NRIP3: variants seen among roughly 807,000 people sequenced by gnomAD.
The protein encoded by NRIP3 is nuclear receptor-interacting protein 3.
Under a neutral mutation model 29.0 loss-of-function variants are expected in NRIP3, and 31 were observed. The observed-to-expected ratio is 1.07, with a 90% CI of 0.80 to 1.44. The LOEUF is 1.44. Among genes scored for constraint, NRIP3 ranks in the 40% most tolerant of loss-of-function variants. The pLI is 0.00. For synonymous variants in NRIP3, 131 were observed against 118.3 expected (o/e 1.11, Z -0.70); for missense variants, 314 against 297.9 (o/e 1.05, Z -0.40).
At chr11:8,985,684 A>T in intron 4 of NRIP3, 27 bp downstream of exon 4, 1 of 1,610,622 alleles carries the variant, frequency 6.2e-7, no homozygotes, top group East Asian at 2.2e-5. Context: ...GTTAGGGTCC[A>T]TAGGTCCAGC....
intron 1 of NRIP3, among the ~76,000 whole-genome samples, chr11:8,989,976 A>G (rs893128834): frequency 6.6e-6 from 1 of 152,110 alleles, no homozygotes; most frequent in Non-Finnish European, 1.5e-5. Flanking sequence ...TGGTCTTGCT[A>G]AACACTTTAT....
chr11:8,987,009 C>G (rs1295913797), intron 3 of NRIP3, among the ~76,000 whole-genome samples: 1 of 152,212 alleles, frequency 6.6e-6, no homozygotes, highest in East Asian at 1.9e-4. Flanking sequence ...CACAGTGAGG[C>G]TCCGCCACAC....
chr11:8,987,436 C>A (rs1414386760), intron 3 of NRIP3, 112 bp downstream of exon 3: 2 of 812,484 alleles, frequency 2.5e-6, no homozygotes, highest in Non-Finnish European at 4.3e-6. Flanking sequence ...CTGAACTCTG[C>A]ATACTTCTCT....
rs560620168 is a variant in NRIP3 at position 9,003,240 on chromosome 11, G to A, written c.174+522C>T. Among the ~76,000 whole-genome samples the A allele has an allele frequency of 8.5e-5, 13 of 152,258 alleles. No homozygotes were observed. The South Asian group carries it at 2.7e-3, about 32-fold the overall frequency. On this transcript the variant is annotated intron_variant, in intron 1 of 6. Transcript: ENST00000309166. ...CTTTTCTCTCTCCCCACTCAGGATG[G>A]AAGGTCAAAGTTAGGACCAAAACTA...
At chr11:8,999,114 C>G (rs1195933689) in intron 1 of NRIP3, among the ~76,000 whole-genome samples, 1 of 152,132 alleles carries the variant, frequency 6.6e-6, no homozygotes, top group African/African-American at 2.4e-5. Context: ...GCAAACTCTT[C>G]ATTCTTATTT....
chr11:9,003,884 G>T lies in NRIP3; in HGVS notation c.52C>A (p.Arg18=), dbSNP rs1055635886. ...TGCTGTCGCAGTGACGCCGCCTCCC[G>T]CATGTCGGTCTCCTTGCGGCCGCCC... The part of the protein sequence containing the change: ...TEGGRKETDM[R]EAASLRQQRR... Residue 18 remains arginine, a synonymous_variant, in exon 1 of 7, where the codon CGG becomes AGG. Transcript: ENST00000309166. The T allele has an allele frequency of 2.6e-6, 4 of 1,523,514 alleles. No homozygotes were observed. The highest frequency in any genetic ancestry group is 4.1e-5 in the Admixed American group (2 of 48,252). 94.4% of individuals were successfully genotyped at this position (1,523,514 alleles called of 1,614,324 possible). A position where few individuals can be genotyped will look rare whatever the true frequency, so the allele number is the denominator to read the frequency against.
intron 1 of NRIP3, among the ~76,000 whole-genome samples, chr11:8,997,674 C>T (rs1439437815): frequency 6.6e-6 from 1 of 152,186 alleles, no homozygotes; most frequent in Non-Finnish European, 1.5e-5. Context: ...GTGAAAATAG[C>T]TACAGTTCCT....
At position 8,982,063 on chromosome 11, in the gene NRIP3, C is replaced by T. The variant is rs1226998221; in HGVS notation, c.*1482G>A. 1.3e-5 allele frequency: 2 copies of T among 152,154 alleles called. No individual in the cohort carries two copies. The highest frequency in any genetic ancestry group is 4.8e-5 in the African/African-American group (2 of 41,416). 9.4% of individuals were successfully genotyped at this position (152,154 alleles called of 1,614,324 possible). A position where few individuals can be genotyped will look rare whatever the true frequency, so the allele number is the denominator to read the frequency against. On this transcript the variant is annotated 3_prime_UTR_variant, in exon 7 of 7. Transcript: ENST00000309166. ...CACTCTGAGAACTACTGCTATGACA[C>T]AGGGTAGACTTGGGAATATCTTAAA...
intron 1 of NRIP3, among the ~76,000 whole-genome samples, chr11:8,995,090 T>C (rs916952061): frequency 2.6e-5 from 4 of 152,176 alleles, no homozygotes; most frequent in African/African-American, 4.8e-5. Flanking sequence ...TCTTATTTTC[T>C]TCTTCATTTA....
Position 8,983,980 on chromosome 11 carries a change from G to A in NRIP3, c.616-11C>T. 1 of 1,612,230 alleles carries A rather than the reference G, an allele frequency of 6.2e-7. No homozygotes were observed. The highest frequency in any genetic ancestry group is 1.3e-5 in the African/African-American group (1 of 74,994). ...CAAGTTTATGATGCACTGAAAACAG[G>A]TAACTTGTCAGTGATACCACTATGA... On this transcript the variant is annotated splice_polypyrimidine_tract_variant and intron_variant, in intron 5 of 6. Transcript: ENST00000309166.
chr11:8,997,355 CAAAAAAAAAAA>C (rs11324721), intron 1 of NRIP3, among the ~76,000 whole-genome samples: 1 of 100,860 alleles, frequency 9.9e-6, no homozygotes, highest in Non-Finnish European at 1.8e-5. Context: ...GACTCCGTCT[CAAAAAAAAAAA>C]AAAAAAAAAA....
rs1185736463 is a variant in NRIP3 at position 8,984,113 on chromosome 11, T to C, written c.574A>G (p.Lys192Glu). 1 of 1,612,274 alleles carries C rather than the reference T, an allele frequency of 6.2e-7. No individual in the cohort carries two copies. The highest frequency in any genetic ancestry group is 1.3e-5 in the African/African-American group (1 of 74,888). Residue 192 changes from lysine to glutamate, a missense_variant, in exon 5 of 7, where the codon AAA becomes GAA. Lys to Glu is a moderately conservative substitution (Grantham distance 56). Transcript: ENST00000309166. Reference protein sequence around the residue: ...CPAAVVDDNEKNLSLGLQTLR... With the variant: ...CPAAVVDDNEENLSLGLQTLR... ...GTCTGTAGACCAAGGGACAAGTTTT[T>C]CTCATTGTCATCTAATAAAAACAAA...
chr11:9,002,765 G>C (rs1345828188), intron 1 of NRIP3, among the ~76,000 whole-genome samples: 2 of 152,072 alleles, frequency 1.3e-5, no homozygotes, highest in Non-Finnish European at 2.9e-5. Flanking sequence ...TATTTCATTT[G>C]TTAAAAGACA....
In NRIP3 at chr11:8,980,759, A is replaced by G. The variant is rs983716320; in HGVS notation, c.*2786T>C. On this transcript the variant is annotated 3_prime_UTR_variant, in exon 7 of 7. Transcript: ENST00000309166. The stretch of plus-strand genomic sequence containing the variant: ...ATTTCTATTACACAAGAGTGAGGGC[A>G]GCTGACATACCAGGCAACCCATTGT... The G allele has an allele frequency of 6.6e-6, 1 of 152,270 alleles. No homozygotes were observed. The highest frequency in any genetic ancestry group is 6.5e-5 in the Admixed American group (1 of 15,282). 9.4% of individuals were successfully genotyped at this position (152,270 alleles called of 1,614,324 possible).
chr11:9,004,043 A>T (rs958041936), upstream of NRIP3: 2 of 1,151,660 alleles, frequency 1.7e-6, no homozygotes, highest in African/African-American at 1.6e-5. Flanking sequence ...GCCGAGCGTG[A>T]CGTCGCGGGG....
intron 4 of NRIP3, 60 bp downstream of exon 4, chr11:8,985,651 T>C (rs1234841483): frequency 7.0e-6 from 11 of 1,565,084 alleles, no homozygotes; most frequent in South Asian, 5.8e-5. Flanking sequence ...TGAGGTTTTG[T>C]TGGGGGTAGG....
chr11:8,988,307 T>TTAA (rs1854549858), intron 1 of NRIP3, 25 bp from the exon 2 acceptor site: 2 of 1,603,230 alleles, frequency 1.2e-6, no homozygotes, highest in Admixed American at 3.4e-5. Flanking sequence ...AGCAGAGACT[T>TTAA]CTTAGTGACA....
chr11:8,988,763 A>G (rs1854555445), intron 1 of NRIP3, among the ~76,000 whole-genome samples: 1 of 152,222 alleles, frequency 6.6e-6, no homozygotes, highest in Non-Finnish European at 1.5e-5. Context: ...AGCTCTGCCT[A>G]CTTCTGTGTC....
intron 1 of NRIP3, among the ~76,000 whole-genome samples, chr11:8,988,695 T>C (rs1260822668): frequency 2.6e-5 from 4 of 152,202 alleles, no homozygotes; most frequent in South Asian, 2.1e-4. Flanking sequence ...CACTGCCTTA[T>C]AGAAAGGGCA....
Sources: gnomAD v4.1 joint callset for allele counts (sites outside exome capture counted in the v4.1 genomes callset) on GRCh38, gnomAD v4.1.1 for gene constraint, MANE v1.5 for transcripts, NCBI Gene and HGNC (gene_info 2026-07-23, HGNC 2026-07-21) for gene names.